CCDC7: variants seen among roughly 807,000 people sequenced by gnomAD.
The protein encoded by CCDC7 is coiled-coil domain containing 7, also known as coiled-coil domain-containing protein 7.
A neutral mutation model predicts 196.9 loss-of-function variants in CCDC7; 183 were observed. The ratio of observed to expected loss-of-function variants is 0.93; its 90% CI spans 0.82 to 1.05. CCDC7 has a LOEUF of 1.05. Among genes scored for constraint, CCDC7 ranks in the 50% least tolerant of loss-of-function variants. CCDC7 has a pLI of 0.00. For missense variants in CCDC7, 1,540 were observed against 1,482.2 expected, an observed-to-expected ratio of 1.04 and a Z score of -0.64; for synonymous variants, 525 against 484.6, an observed-to-expected ratio of 1.08 and a Z score of -1.10.
intron 9 of CCDC7, among the ~76,000 whole-genome samples, chr10:32,504,733 AT>A (rs2135088879): frequency 6.6e-6 from 1 of 151,810 alleles, no homozygotes; most frequent in East Asian, 1.9e-4. Context: ...CCTGTCATTG[AT>A]TTCTAGTTTC....
chr10:32,586,928 G>A (rs2059340820), intron 18 of CCDC7, among the ~76,000 whole-genome samples: 1 of 152,184 alleles, frequency 6.6e-6, no homozygotes, highest in East Asian at 1.9e-4. Context: ...TTTTGAAGTG[G>A]GAATGCCTCT....
exon 42 of CCDC7, chr10:32,876,393 A>C: frequency 6.2e-7 from 1 of 1,609,330 alleles, no homozygotes; most frequent in Non-Finnish European, 8.5e-7. Flanking sequence ...CATACTTTTG[A>C]GAATGAAGGA....
chr10:32,759,320 A>G (rs571269003), intron 28 of CCDC7, among the ~76,000 whole-genome samples: 1 of 152,222 alleles, frequency 6.6e-6, no homozygotes, highest in African/African-American at 2.4e-5. Flanking sequence ...AGCTGGAGGC[A>G]TCACGCTACC....
intron 18 of CCDC7, among the ~76,000 whole-genome samples, chr10:32,633,213 GCACACA>G (rs5784300): frequency 0.25 from 38,514 of 151,060 alleles, 5,421 homozygotes; most frequent in South Asian, 0.44. Context: ...GCGCGTGCAC[GCACACA>G]CACACACACA....
intron 13 of CCDC7, among the ~76,000 whole-genome samples, chr10:32,560,115 T>G (rs566616203): frequency 6.6e-6 from 1 of 151,806 alleles, no homozygotes; most frequent in East Asian, 1.9e-4. Context: ...GAAGGGAAGT[T>G]TAGAGGAAAA....
At chr10:32,531,109 T>C (rs2049586774) in intron 11 of CCDC7, among the ~76,000 whole-genome samples, 2 of 152,184 alleles carry the variant, frequency 1.3e-5, no homozygotes. Context: ...TGATGGATCT[T>C]ACTTGATTAT....
At chr10:32,720,389 A>G (rs891621918) in intron 25 of CCDC7, among the ~76,000 whole-genome samples, 17 of 151,406 alleles carry the variant, frequency 1.1e-4, no homozygotes, top group African/African-American at 4.1e-4. Flanking sequence ...ATATGGGCAC[A>G]GGGAGTGGAA....
rs1445137065 is a variant in CCDC7 at position 32,638,330 on chromosome 10, C to T, written c.2014+3172C>T. Among the ~76,000 whole-genome samples, 6 of 152,238 alleles carry T rather than the reference C, an allele frequency of 3.9e-5. No individual in the cohort carries two copies. In the East Asian group the frequency reaches 1.2e-3, roughly 29 times the overall value. On this transcript the variant is annotated intron_variant, in intron 20 of 41. Coordinates refer to ENST00000639629, the Ensembl canonical transcript of CCDC7. ...TGCCAGTTTTCAAAGGGAATGCTTC[C>T]AGTTTTTGCCCATTCAGTATGATAT...
At chr10:32,449,597 T>C (rs111900044), upstream of CCDC7, among the ~76,000 whole-genome samples, 4 of 152,136 alleles carry the variant, frequency 2.6e-5, no homozygotes, top group African/African-American at 9.7e-5. Context: ...TATTAGGAAA[T>C]GATCAAAAGC....
intron 28 of CCDC7, among the ~76,000 whole-genome samples, chr10:32,756,658 G>A (rs1055918334): frequency 2.6e-5 from 4 of 152,204 alleles, no homozygotes; most frequent in Non-Finnish European, 4.4e-5. Flanking sequence ...ATGCCAAATT[G>A]TAAAGACCAT....
intron 24 of CCDC7, among the ~76,000 whole-genome samples, chr10:32,710,873 G>A (rs943365059): frequency 6.6e-6 from 1 of 152,152 alleles, no homozygotes; most frequent in African/African-American, 2.4e-5. Flanking sequence ...TAACAATTAA[G>A]CCTTTATTCA....
chr10:32,591,073 CT>C (rs1474115340), intron 18 of CCDC7, among the ~76,000 whole-genome samples: 7 of 151,950 alleles, frequency 4.6e-5, no homozygotes, highest in South Asian at 2.1e-4. Context: ...CTTTTTACCC[CT>C]ATCTCCCTCT....
At chr10:32,689,093 T>C in exon 23 of CCDC7, 1 of 1,608,548 alleles carries the variant, frequency 6.2e-7, no homozygotes, top group Non-Finnish European at 8.5e-7. Context: ...TACTTAGGCA[T>C]CAAGACTCAA....
At chr10:32,667,724 C>T (rs11009025) in intron 21 of CCDC7, among the ~76,000 whole-genome samples, 13,516 of 152,074 alleles carry the variant, frequency 0.089, 856 homozygotes, top group East Asian at 0.33. Context: ...TCCCATTGGT[C>T]CATATCTCTG....
At chr10:32,455,481 A>AT (rs2034134527) in intron 2 of CCDC7, among the ~76,000 whole-genome samples, 1 of 151,660 alleles carries the variant, frequency 6.6e-6, no homozygotes, top group South Asian at 2.1e-4. Context: ...CGCCCAGCTA[A>AT]TTTTTTTGTC....
In CCDC7 at chr10:32,689,103, AT is replaced by A; in HGVS notation, c.2285del (p.Met762SerfsTer8). The A allele has an allele frequency of 2.5e-6, 4 of 1,609,436 alleles. No homozygotes were observed. Among genetic ancestry groups the A allele is most frequent in the Non-Finnish European group, 3.4e-6 (4 of 1,176,774 alleles). Reference sequence around the variant, plus strand: ...TCTTATACTTAGGCATCAAGACTCAATGTCAAAATCAGAAATGCAAGTGAAG... The same window carrying A: ...TCTTATACTTAGGCATCAAGACTCAAGTCAAAATCAGAAATGCAAGTGAAG... On this transcript the variant is annotated frameshift_variant, in exon 23 of 42. Transcript: ENST00000639629. LOFTEE classifies it high-confidence loss of function.
chr10:32,675,532 T>G (rs555712244), intron 21 of CCDC7: 19 of 152,338 alleles, frequency 1.2e-4, no homozygotes, highest in Non-Finnish European at 2.1e-4. Context: ...TATACTAGAG[T>G]TAAAATGATT....
At chr10:32,596,814 G>A (rs150041027) in intron 18 of CCDC7, among the ~76,000 whole-genome samples, 5 of 152,048 alleles carry the variant, frequency 3.3e-5, no homozygotes, top group Non-Finnish European at 4.4e-5. Context: ...TGAAATTCTG[G>A]GTTGAAAATT....
At chr10:32,867,377 C>T (rs2094239085) in intron 41 of CCDC7, among the ~76,000 whole-genome samples, 1 of 151,440 alleles carries the variant, frequency 6.6e-6, no homozygotes, top group Non-Finnish European at 1.5e-5. Flanking sequence ...AAATATTTAT[C>T]ATGTTTATAA....
Sources: allele counts gnomAD v4.1 joint callset (sites outside exome capture counted in the v4.1 genomes callset), GRCh38; gene constraint gnomAD v4.1.1; transcripts MANE v1.5; gene names NCBI Gene and HGNC (gene_info 2026-07-23, HGNC 2026-07-21).